Variants in MSRA observed in about 807,000 individuals in gnomAD.
MSRA encodes the protein mitochondrial peptide methionine sulfoxide reductase.
MSRA carries 54 observed loss-of-function variants against 31.3 expected under a neutral mutation model. That is an observed-to-expected ratio of 1.73 (90% CI 1.39 to 2.17). The LOEUF (loss-of-function observed/expected upper bound fraction) is 2.17, where lower values mean the gene tolerates loss of function less well. MSRA is among the 30% of genes most tolerant of loss of function. MSRA has a pLI of 0.00. For missense variants in MSRA, 507 were observed against 300.9 expected, an observed-to-expected ratio of 1.69 and a Z score of -5.07; for synonymous variants, 169 against 116.5, an observed-to-expected ratio of 1.45 and a Z score of -2.90.
intron 5 of MSRA, among the ~76,000 whole-genome samples, chr8:10,427,166 T>C (rs1222054208): frequency 6.6e-6 from 1 of 152,082 alleles, no homozygotes; most frequent in African/African-American, 2.4e-5. Context: ...AAAACATGGG[T>C]CCTGGCTCTG....
At chr8:10,232,516 C>T (rs556625058) in intron 2 of MSRA, among the ~76,000 whole-genome samples, 2 of 152,276 alleles carry the variant, frequency 1.3e-5, no homozygotes, top group African/African-American at 2.4e-5. Flanking sequence ...TGGTCGGCCT[C>T]TTAGGTATTT....
At chr8:10,389,803 T>C (rs1420659791) in intron 5 of MSRA, among the ~76,000 whole-genome samples, 4 of 151,346 alleles carry the variant, frequency 2.6e-5, no homozygotes, top group African/African-American at 9.7e-5. Flanking sequence ...TTTTTTTTTT[T>C]TTCTTTTTTA....
intron 5 of MSRA, among the ~76,000 whole-genome samples, chr8:10,411,903 C>A (rs1417651620): frequency 6.6e-6 from 1 of 152,180 alleles, no homozygotes; most frequent in African/African-American, 2.4e-5. Flanking sequence ...GGCGAACAGC[C>A]CTGTTCTGTG....
intron 1 of MSRA, among the ~76,000 whole-genome samples, chr8:10,139,938 T>C (rs533572071): frequency 2.8e-4 from 42 of 152,358 alleles, no homozygotes; most frequent in African/African-American, 8.7e-4. Context: ...TTTCTGTTCT[T>C]ACCCATCGCT....
chr8:10,166,516 TG>T (rs1805140061), intron 1 of MSRA, among the ~76,000 whole-genome samples: 1 of 152,154 alleles, frequency 6.6e-6, no homozygotes, highest in African/African-American at 2.4e-5. Flanking sequence ...TGCATTTGTG[TG>T]TGTGTGCATA....
chr8:10,265,448 G>T (rs976332020), intron 3 of MSRA, among the ~76,000 whole-genome samples: 2 of 152,158 alleles, frequency 1.3e-5, no homozygotes, highest in African/African-American at 4.8e-5. Context: ...TATTTCAGCT[G>T]AAAGGGCCTT....
chr8:10,204,903 TTGCAGTCTACTGATAGA>T (rs1159821226), intron 1 of MSRA, among the ~76,000 whole-genome samples: 1 of 152,202 alleles, frequency 6.6e-6, no homozygotes, highest in Non-Finnish European at 1.5e-5. Context: ...CTCCCTGAGC[TTGCAGTCTACTGATAGA>T]TGCAGTCCCT....
intron 1 of MSRA, among the ~76,000 whole-genome samples, chr8:10,188,478 A>C (rs1215073602): frequency 6.6e-6 from 1 of 152,216 alleles, no homozygotes; most frequent in Non-Finnish European, 1.5e-5. Context: ...TGATTTCCAC[A>C]ATTACGGATT....
chr8:10,152,231 G>A (rs1009403172), intron 1 of MSRA, among the ~76,000 whole-genome samples: 2 of 152,200 alleles, frequency 1.3e-5, no homozygotes, highest in African/African-American at 4.8e-5. Context: ...ATATGTATAT[G>A]TGTGTATCTA....
chr8:10,179,691 A>G lies in MSRA; in HGVS notation c.143-28142A>G. On this transcript the variant is annotated intron_variant, in intron 1 of 5. Transcript: ENST00000317173. ...TGTGGAGTTAAACAGACCTGGGTTT[A>G]TGTTCCAGTTCCAAACCTCAGTTTA... Among the ~76,000 whole-genome samples the G allele has an allele frequency of 1.3e-5, 2 of 152,172 alleles. 1 individual carries two copies. The highest frequency in any genetic ancestry group is 2.9e-5 in the Non-Finnish European group (2 of 68,024).
rs1384198229 is a variant in MSRA, at chr8:10,301,591, T to C, written c.389T>C (p.Phe130Ser). The C allele has an allele frequency of 1.2e-6, 2 of 1,614,040 alleles. No homozygotes were observed. The highest frequency in any genetic ancestry group is 1.1e-5 in the South Asian group (1 of 91,072). Reference sequence around the variant, plus strand: ...GTGTACCAGCCAGAACACATGAGTTTTGAGGAACTGCTCAAGGTCTTCTGG... The same window carrying C: ...GTGTACCAGCCAGAACACATGAGTTCTGAGGAACTGCTCAAGGTCTTCTGG... ...RVVYQPEHMS[F>S]EELLKVFWEN... The change falls in exon 4 of 6, where the codon TTT (phenylalanine) becomes TCT (serine). Residue 130 changes from phenylalanine (F) to serine (S), a missense_variant. Coordinates refer to ENST00000317173, the MANE Select transcript of MSRA (RefSeq NM_012331.5).
At chr8:10,381,864 G>A (rs140872395) in intron 5 of MSRA, among the ~76,000 whole-genome samples, 104 of 152,242 alleles carry the variant, frequency 6.8e-4, no homozygotes, top group African/African-American at 2.3e-3. Flanking sequence ...ATCACCCTGG[G>A]TGATCTGTTC....
chr8:10,231,950 C>T (rs1004283395), intron 2 of MSRA, among the ~76,000 whole-genome samples: 6 of 151,968 alleles, frequency 3.9e-5, no homozygotes, highest in Non-Finnish European at 8.8e-5. Context: ...AACAGGAAAG[C>T]GTGAAGTGTA....
intron 5 of MSRA, among the ~76,000 whole-genome samples, chr8:10,400,378 T>TGTA (rs1554551505): frequency 1.0e-4 from 11 of 110,330 alleles, no homozygotes; most frequent in Non-Finnish European, 1.1e-4. Context: ...TGTGTGTGTG[T>TGTA]GTGTGTAGTG....
At chr8:10,126,922 C>T (rs543455242) in intron 1 of MSRA, among the ~76,000 whole-genome samples, 1 of 152,300 alleles carries the variant, frequency 6.6e-6, no homozygotes, top group East Asian at 1.9e-4. Flanking sequence ...TGTTAGGAGG[C>T]GGAGCTCAGG....
intron 1 of MSRA, among the ~76,000 whole-genome samples, chr8:10,201,891 G>A (rs1163144277): frequency 6.6e-6 from 1 of 152,230 alleles, no homozygotes; most frequent in Middle Eastern, 3.2e-3. Flanking sequence ...TCCTCCCAGA[G>A]CATGTGGCTT....
intron 1 of MSRA, among the ~76,000 whole-genome samples, chr8:10,155,457 A>G (rs1804075831): frequency 1.3e-5 from 2 of 152,168 alleles, no homozygotes; most frequent in African/African-American, 2.4e-5. Flanking sequence ...ATACGCACAC[A>G]TTCTCTCTCT....
At chr8:10,227,007 C>T (rs1055222906) in intron 2 of MSRA, among the ~76,000 whole-genome samples, 5 of 152,304 alleles carry the variant, frequency 3.3e-5, no homozygotes, top group African/African-American at 7.2e-5. Flanking sequence ...TGGGCTTCCA[C>T]GAGCAGAGGT....
chr8:10,313,761 A>G (rs993118853), intron 4 of MSRA, among the ~76,000 whole-genome samples: 1 of 152,226 alleles, frequency 6.6e-6, no homozygotes, highest in African/African-American at 2.4e-5. Context: ...GGATGAGAGG[A>G]CTTATTCTTC....
Sources: gnomAD v4.1 joint callset for allele counts (sites outside exome capture counted in the v4.1 genomes callset) on GRCh38, gnomAD v4.1.1 for gene constraint, MANE v1.5 for transcripts, NCBI Gene and HGNC (gene_info 2026-07-23, HGNC 2026-07-21) for gene names.